PACSIN2: variants seen among roughly 807,000 people sequenced by gnomAD.
PACSIN2 encodes protein kinase C and casein kinase substrate in neurons protein 2.
A neutral mutation model predicts 63.8 loss-of-function variants in PACSIN2; 25 were observed. That is an observed-to-expected ratio of 0.39 (90% CI 0.29 to 0.55). PACSIN2 has a LOEUF of 0.55. Among genes scored for constraint, PACSIN2 ranks in the 20% least tolerant of loss-of-function variants. The probability of loss-of-function intolerance (pLI) is 0.62; values close to 1 mark genes in which losing one functional copy is unlikely to be tolerated. For missense variants in PACSIN2, 518 were observed against 646.9 expected (o/e 0.80, Z 2.16); for synonymous variants, 255 against 256.2 (o/e 1.00, Z 0.05).
At chr22:42,887,604 G>A (rs1483749485) in intron 5 of PACSIN2, among the ~76,000 whole-genome samples, 2 of 152,018 alleles carry the variant, frequency 1.3e-5, no homozygotes, top group Admixed American at 6.6e-5. Flanking sequence ...GCAGGCCCTC[G>A]GCAATCACAC....
intron 7 of PACSIN2, chr22:42,880,722 C>T (rs560631557): frequency 6.6e-6 from 1 of 152,348 alleles, no homozygotes; most frequent in Non-Finnish European, 1.5e-5. Context: ...GGGGCTGGTT[C>T]CCAGCCCATG....
intron 2 of PACSIN2, among the ~76,000 whole-genome samples, chr22:42,907,551 C>T (rs1486924913): frequency 6.6e-6 from 1 of 152,278 alleles, no homozygotes; most frequent in African/African-American, 2.4e-5. Flanking sequence ...GGGCACAGTG[C>T]TCCTGCAAGG....
intron 5 of PACSIN2, among the ~76,000 whole-genome samples, chr22:42,886,649 TAG>T (rs1929509419): frequency 6.6e-6 from 1 of 152,132 alleles, no homozygotes. Flanking sequence ...AAATTTTTTG[TAG>T]AGATGAGGTC....
chr22:43,010,118 T>C (rs183083359), intron 1 of PACSIN2, among the ~76,000 whole-genome samples: 238 of 151,952 alleles, frequency 1.6e-3, no homozygotes, highest in Middle Eastern at 6.8e-3. Context: ...GATCTGCTCC[T>C]TTACTTCCCA....
Position 42,871,548 on chromosome 22 carries a change from G to C in PACSIN2, c.1349-79C>G. 2.7e-6 allele frequency: 3 copies of C among 1,120,958 alleles called. No individual in the cohort carries two copies. The highest frequency in any genetic ancestry group is 4.1e-6 in the Non-Finnish European group (3 of 733,756). 69.4% of individuals were successfully genotyped at this position (1,120,958 alleles called of 1,614,324 possible). On this transcript the variant is annotated intron_variant, in intron 10 of 10. Coordinates refer to ENST00000263246, the MANE Select transcript of PACSIN2 (RefSeq NM_001184970.3). The surrounding 1 kb of genome is among the most constrained non-coding windows in gnomAD (Gnocchi z 5.4). ...CTACAGAGCCGCATTCACGAGCTTT[G>C]AGCCCACAGAGGGTGGAGGGCCAGG...
At chr22:42,923,029 T>C (rs1601525557) in intron 1 of PACSIN2, among the ~76,000 whole-genome samples, 1 of 152,254 alleles carries the variant, frequency 6.6e-6, no homozygotes, top group East Asian at 1.9e-4. Flanking sequence ...GAGTGAGTGT[T>C]GTGGCTGTCC....
At chr22:42,884,255 G>A (rs1929300467) in intron 6 of PACSIN2, 131 bp downstream of exon 6, 3 of 740,696 alleles carry the variant, frequency 4.1e-6, no homozygotes, top group Non-Finnish European at 6.8e-6. Context: ...GAAGCAGGAG[G>A]CCCTGAGGGC....
In PACSIN2 at chr22:42,874,919, C is replaced by T. The variant is rs961075336; in HGVS notation, c.1348+1218G>A. On this transcript the variant is annotated intron_variant, in intron 10 of 10. Transcript: ENST00000263246. ...AGGCTGGAGTGCAGTGGCGCAATCT[C>T]GGCTCACTGCAAGCTCCGCCTCCCG... Among the ~76,000 whole-genome samples, 13 of 147,042 alleles carry T rather than the reference C, an allele frequency of 8.8e-5. No homozygotes were observed. The East Asian group carries it at 1.6e-3, about 18-fold the overall frequency.
At chr22:42,947,107 C>T (rs1288689987) in intron 1 of PACSIN2, 1 of 152,254 alleles carries the variant, frequency 6.6e-6, no homozygotes, top group Non-Finnish European at 1.5e-5. Context: ...AGAAAACTCA[C>T]ACAGGCCCAG....
chr22:42,894,720 A>C (rs1930157731), intron 2 of PACSIN2, among the ~76,000 whole-genome samples: 1 of 152,236 alleles, frequency 6.6e-6, no homozygotes, highest in Non-Finnish European at 1.5e-5. Flanking sequence ...GTGAAAACGA[A>C]AATGTTCGAT....
chr22:42,920,517 A>T (rs1569272715), intron 1 of PACSIN2, among the ~76,000 whole-genome samples: 2 of 152,216 alleles, frequency 1.3e-5, no homozygotes, highest in Non-Finnish European at 2.9e-5. Flanking sequence ...GGAAAGAAAC[A>T]AATTCAAGGG....
chr22:42,974,704 G>C (rs1163695801), intron 1 of PACSIN2, among the ~76,000 whole-genome samples: 3 of 148,850 alleles, frequency 2.0e-5, no homozygotes, highest in Non-Finnish European at 4.4e-5. Flanking sequence ...AGTTGAGATT[G>C]TGCCACTGCA....
intron 1 of PACSIN2, among the ~76,000 whole-genome samples, chr22:42,954,891 T>C (rs1933849400): frequency 6.6e-6 from 1 of 152,128 alleles, no homozygotes; most frequent in South Asian, 2.1e-4. Context: ...ACAAACTGGT[T>C]TGGATCTGAT....
intron 1 of PACSIN2, among the ~76,000 whole-genome samples, chr22:42,917,596 C>A (rs1031603166): frequency 6.6e-6 from 1 of 151,230 alleles, no homozygotes; most frequent in African/African-American, 2.4e-5. Context: ...GCCTGGGCAA[C>A]AGAGCAAGAC....
intron 1 of PACSIN2, among the ~76,000 whole-genome samples, chr22:42,981,587 T>C (rs1363641035): frequency 2.4e-3 from 181 of 74,948 alleles, no homozygotes; most frequent in Middle Eastern, 0.01. Context: ...TCTGCCCGGC[T>C]GCCCCTACTG....
chr22:42,995,082 C>T (rs1923308449), intron 1 of PACSIN2, among the ~76,000 whole-genome samples: 1 of 152,246 alleles, frequency 6.6e-6, no homozygotes, highest in African/African-American at 2.4e-5. Context: ...CCCCCCTCCC[C>T]GCCTCGGGGC....
chr22:43,005,136 T>G (rs1924012298), intron 1 of PACSIN2, among the ~76,000 whole-genome samples: 2 of 152,264 alleles, frequency 1.3e-5, no homozygotes, highest in African/African-American at 4.8e-5. Flanking sequence ...TAACTATCAC[T>G]GCTGCGTGTT....
chr22:42,912,129 C>T lies in PACSIN2; in HGVS notation c.-49G>A. The T allele has an allele frequency of 7.6e-7, 1 of 1,323,344 alleles. No individual in the cohort carries two copies. Among genetic ancestry groups the T allele is most frequent in the Non-Finnish European group, 1.1e-6 (1 of 947,174 alleles). The allele number at this position is 1,323,344 out of a possible 1,614,324, so 82.0% of individuals were successfully genotyped here. A position where few individuals can be genotyped will look rare whatever the true frequency, so the allele number is the denominator to read the frequency against. ...CAAAGTATACTTAGTCAGGGGTCAA[C>T]TTCGAACGCTCAAAATCTGTAGACA... On this transcript the variant is annotated 5_prime_UTR_variant, in exon 2 of 11. Transcript: ENST00000263246.
Position 42,884,452 on chromosome 22 carries a change from C to G in PACSIN2, c.719G>C (p.Arg240Pro). The G allele has an allele frequency of 6.2e-7, 1 of 1,614,184 alleles. No homozygotes were observed. Among genetic ancestry groups the G allele is most frequent in the Non-Finnish European group, 8.5e-7 (1 of 1,179,982 alleles). The part of the protein sequence containing the change: ...FEQCQQFEEK[R>P]LRFFREVLLE... ...CAGAACCTCCCGGAAGAAGCGAAGG[C>G]GTTTCTCCTCGAACTGCTGGCACTG... Residue 240 changes from arginine to proline, a missense_variant, in exon 6 of 11, where the codon CGC (arginine) becomes CCC (proline). Around this residue, in one of 2 missense-constraint regions of PACSIN2, gnomAD observed 507 missense variants for 612.3 expected, o/e 0.83. Transcript: ENST00000263246.
Sources: allele counts gnomAD v4.1 joint callset (sites outside exome capture counted in the v4.1 genomes callset), GRCh38; gene constraint gnomAD v4.1.1; regional missense constraint gnomAD v4.1.1; non-coding constraint Gnocchi (gnomAD v3.1); transcripts MANE v1.5; gene names NCBI Gene and HGNC (gene_info 2026-07-23, HGNC 2026-07-21).